The following VPS13B variants were observed in gnomAD, a reference collection of about 807,000 sequenced individuals.
The protein encoded by VPS13B is vacuolar protein sorting 13 homolog B, also known as intermembrane lipid transfer protein VPS13B.
A neutral mutation model predicts 426.4 loss-of-function variants in VPS13B; 285 were observed. The ratio of observed to expected loss-of-function variants is 0.67; its 90% confidence interval spans 0.61 to 0.74. The LOEUF (loss-of-function observed/expected upper bound fraction) is 0.74. Among genes scored for constraint, VPS13B ranks in the 30% least tolerant of loss-of-function variants. The probability of loss-of-function intolerance (pLI) is 0.00; values close to 1 mark genes in which losing one functional copy is unlikely to be tolerated. For synonymous variants in VPS13B, 1,676 were observed against 1,676.4 expected, an observed-to-expected ratio of 1.00 and a Z score of 0.01; for missense variants, 4,537 against 4,782.6, an observed-to-expected ratio of 0.95 and a Z score of 1.51.
chr8:99,720,582 G>A (rs1423754942), intron 38 of VPS13B, 30 bp downstream of exon 38: 4 of 1,603,088 alleles, frequency 2.5e-6, no homozygotes, highest in African/African-American at 1.3e-5. Context: ...GTATGAGAGT[G>A]TCTCTGTGCA....
At chr8:99,683,551 G>A (rs1480119582) in intron 35 of VPS13B, among the ~76,000 whole-genome samples, 1 of 152,060 alleles carries the variant, frequency 6.6e-6, no homozygotes, top group Non-Finnish European at 1.5e-5. Context: ...GTAGTTTTCA[G>A]CATACAGATC....
chr8:99,475,053 A>G (rs11992424), intron 24 of VPS13B, among the ~76,000 whole-genome samples: 9,855 of 152,254 alleles, frequency 0.065, 437 homozygotes, highest in African/African-American at 0.12. Flanking sequence ...TCATTGACGA[A>G]TCTTGAAATC....
chr8:99,499,007 C>T (rs544019875), intron 25 of VPS13B, among the ~76,000 whole-genome samples: 1 of 152,212 alleles, frequency 6.6e-6, no homozygotes, highest in African/African-American at 2.4e-5. Context: ...CATCCTTAAG[C>T]TCTGAAGCAG....
At position 99,351,433 on chromosome 8, in the gene VPS13B, A is replaced by AGTGTGTGT. The variant is rs1170377671; in HGVS notation, c.2825-32774_2825-32773insTGTGTGTG. Among the ~76,000 whole-genome samples, 589 of 143,956 alleles carry AGTGTGTGT rather than the reference A, an allele frequency of 4.1e-3. 4 individuals are homozygous for AGTGTGTGT. Among genetic ancestry groups the AGTGTGTGT allele is most frequent in the African/African-American group, 0.014 (559 of 38,738 alleles). The allele number at this position is 143,956 out of a possible 152,430, so 94.4% of individuals were successfully genotyped here. A position where few individuals can be genotyped will look rare whatever the true frequency, so the allele number is the denominator to read the frequency against. ...CTCCTTCCTCAAGAGAGAGAGAGAG[A>AGTGTGTGT]GAGTGTGTGTGTGTGTGTGTGTGTG... is the stretch of plus-strand genomic sequence containing the variant. On this transcript the variant is annotated intron_variant, in intron 19 of 61. Transcript: ENST00000357162.
intron 3 of VPS13B, among the ~76,000 whole-genome samples, chr8:99,088,124 C>T (rs998289503): frequency 6.8e-5 from 10 of 146,198 alleles, no homozygotes; most frequent in African/African-American, 2.3e-4. Flanking sequence ...GCAGAGGTTG[C>T]AGTGAGCCGA....
chr8:99,760,928 G>A (rs1167835444), intron 39 of VPS13B, among the ~76,000 whole-genome samples: 1 of 152,172 alleles, frequency 6.6e-6, no homozygotes, highest in African/African-American at 2.4e-5. Flanking sequence ...GATGTGCATA[G>A]GTTATATGCA....
At chr8:99,801,886 A>G (rs951811309) in intron 43 of VPS13B, among the ~76,000 whole-genome samples, 9 of 152,216 alleles carry the variant, frequency 5.9e-5, no homozygotes, top group African/African-American at 2.2e-4. Context: ...ACAGTGGTGC[A>G]TGTCTGCAGT....
chr8:99,628,188 G>GT (rs1828694892), intron 33 of VPS13B, among the ~76,000 whole-genome samples: 2 of 152,320 alleles, frequency 1.3e-5, no homozygotes, highest in South Asian at 4.1e-4. Flanking sequence ...TGGAAACTGT[G>GT]GAACTCAGCC....
At chr8:99,162,924 G>A (rs978150318) in intron 15 of VPS13B, among the ~76,000 whole-genome samples, 12 of 152,156 alleles carry the variant, frequency 7.9e-5, no homozygotes, top group African/African-American at 1.4e-4. Context: ...TTGTCAGGGC[G>A]CTGATTGGTG....
At chr8:99,636,297 A>G (rs1056103849) in intron 33 of VPS13B, among the ~76,000 whole-genome samples, 6 of 152,002 alleles carry the variant, frequency 3.9e-5, no homozygotes, top group Admixed American at 6.6e-5. Flanking sequence ...GATTTTATCT[A>G]AAAGTATATT....
At chr8:99,047,994 A>C (rs1843320352) in intron 3 of VPS13B, among the ~76,000 whole-genome samples, 1 of 151,846 alleles carries the variant, frequency 6.6e-6, no homozygotes, top group African/African-American at 2.4e-5. Context: ...TGCTCTATGA[A>C]CTTTCCTCTT....
chr8:99,467,382 G>T, intron 23 of VPS13B, 32 bp from the exon 24 acceptor site: 1 of 1,591,384 alleles, frequency 6.3e-7, no homozygotes, highest in Non-Finnish European at 8.6e-7. Context: ...TTGTTTGTGT[G>T]CTTCCCTATT....
intron 3 of VPS13B, among the ~76,000 whole-genome samples, chr8:99,070,673 G>A (rs1844809216): frequency 1.3e-5 from 2 of 151,570 alleles, no homozygotes; most frequent in South Asian, 2.1e-4. Flanking sequence ...TTCTTTTCTC[G>A]AATTTTATTT....
chr8:99,167,006 C>A (rs926059949), intron 15 of VPS13B, among the ~76,000 whole-genome samples: 1 of 152,082 alleles, frequency 6.6e-6, no homozygotes, highest in Non-Finnish European at 1.5e-5. Flanking sequence ...GAAGGAAGAT[C>A]GGGTGAAATT....
At chr8:99,256,899 AT>A (rs931422400) in intron 17 of VPS13B, among the ~76,000 whole-genome samples, 7 of 151,996 alleles carry the variant, frequency 4.6e-5, no homozygotes, top group Non-Finnish European at 7.4e-5. Flanking sequence ...TATTTGTGTA[AT>A]TTTTTTAATG....
chr8:99,312,901 G>A (rs539212856), intron 19 of VPS13B, among the ~76,000 whole-genome samples: 10 of 151,952 alleles, frequency 6.6e-5, no homozygotes, highest in Admixed American at 1.3e-4. Flanking sequence ...TTCTCTTCTC[G>A]CTTCATTTCA....
rs868084375 is a variant in VPS13B, at chr8:99,508,961, C to A, written c.4224+1758C>A. Among the ~76,000 whole-genome samples the A allele has an allele frequency of 1.8e-4, 27 of 151,780 alleles. 1 individual carries two copies. In the South Asian group the frequency reaches 3.3e-3, roughly 19 times the overall value. Reference sequence around the variant, plus strand: ...CTTACCTTTCAAGTATGCTTACATTCCACGTTTAAAATATTTTTCCAAATT... The same window carrying A: ...CTTACCTTTCAAGTATGCTTACATTACACGTTTAAAATATTTTTCCAAATT... On this transcript the variant is annotated intron_variant, in intron 28 of 61. Transcript: ENST00000357162.
At chr8:99,801,399 A>G (rs1239517579) in intron 43 of VPS13B, among the ~76,000 whole-genome samples, 1 of 152,178 alleles carries the variant, frequency 6.6e-6, no homozygotes, top group Admixed American at 6.5e-5. Flanking sequence ...GTTTTCACAA[A>G]TAGTTTGAAG....
At chr8:99,307,519 G>C (rs1004513854) in intron 19 of VPS13B, among the ~76,000 whole-genome samples, 3 of 151,938 alleles carry the variant, frequency 2.0e-5, no homozygotes, top group African/African-American at 7.2e-5. Flanking sequence ...CCTGAATATT[G>C]AGATACTGAG....
Sources: allele counts gnomAD v4.1 joint callset (sites outside exome capture counted in the v4.1 genomes callset), GRCh38; gene constraint gnomAD v4.1.1; transcripts MANE v1.5; gene names NCBI Gene and HGNC (gene_info 2026-07-23, HGNC 2026-07-21).